The following PSD4 variants were observed in gnomAD, a reference collection of about 807,000 sequenced individuals.
PSD4 encodes the protein pleckstrin and Sec7 domain containing 4, also known as PH and SEC7 domain-containing protein 4.
In PSD4, 59 loss-of-function variants were observed where a neutral mutation model predicts 112.5. That is an observed-to-expected ratio of 0.52 (90% CI 0.43 to 0.65). The LOEUF (loss-of-function observed/expected upper bound fraction) is 0.65, where lower values mean the gene tolerates loss of function less well. Ranked by LOEUF, PSD4 falls within the 30% of genes least tolerant of loss-of-function variation. The pLI is 0.00. For synonymous variants in PSD4, 533 were observed against 540.0 expected (o/e 0.99, Z 0.18); for missense variants, 1,267 against 1,352.6 (o/e 0.94, Z 0.99).
In PSD4 at chr2:113,201,634, G is replaced by A. The variant is rs995769410; in HGVS notation, c.*219G>A. 4.6e-5 allele frequency: 30 copies of A among 647,816 alleles called. No homozygotes were observed. The highest frequency in any genetic ancestry group is 4.1e-4 in the Middle Eastern group (1 of 2,434). The allele number at this position is 647,816 out of a possible 1,614,324, so 40.1% of individuals were successfully genotyped here. A position where few individuals can be genotyped will look rare whatever the true frequency, so the allele number is the denominator to read the frequency against. ...CCACCACCCCCATGGCAGTCCCTCC[G>A]CAGCCCCAGTCCCTGGCCACGCCCA... is the stretch of plus-strand genomic sequence containing the variant. On this transcript the variant is annotated 3_prime_UTR_variant, in exon 17 of 17. Coordinates refer to ENST00000245796, the MANE Select transcript of PSD4 (RefSeq NM_012455.3).
rs1321328087 is a variant in PSD4, at chr2:113,199,000, G to A, written c.2770-83G>A. On this transcript the variant is annotated intron_variant, in intron 15 of 16. Transcript: ENST00000245796. ...GCGCACTTGGCCTGGGAACCGAGGC[G>A]GCCAGGGGGGCGGCGCGCCCGGGCC... 6 of 1,514,720 alleles carry A rather than the reference G, an allele frequency of 4.0e-6. No homozygotes were observed. The South Asian group carries it at 4.9e-5, about 12-fold the overall frequency. The allele number at this position is 1,514,720 out of a possible 1,614,324, so 93.8% of individuals were successfully genotyped here.
In PSD4 at chr2:113,207,496, GC is replaced by G. The variant is rs1688880354; in HGVS notation, c.*6084del. 1 of 135,056 alleles carries G rather than the reference GC, an allele frequency of 7.4e-6. No homozygotes were observed. The highest frequency in any genetic ancestry group is 1.5e-5 in the Non-Finnish European group (1 of 64,998). The allele number at this position is 135,056 out of a possible 1,614,324, so 8.4% of individuals were successfully genotyped here. On this transcript the variant is annotated 3_prime_UTR_variant, in exon 17 of 17. Coordinates refer to ENST00000245796, the MANE Select transcript of PSD4 (RefSeq NM_012455.3). ...TTTTGAGATGGAGTCTTGCTCGGTCGCCCAGGCTGGAGTGCGGTGGCATGAT... is the reference window on the plus strand; with the variant it reads ...TTTTGAGATGGAGTCTTGCTCGGTCGCCAGGCTGGAGTGCGGTGGCATGAT...
intron 1 of PSD4, among the ~76,000 whole-genome samples, chr2:113,177,736 C>T (rs1688017006): frequency 6.6e-6 from 1 of 152,122 alleles, no homozygotes; most frequent in Non-Finnish European, 1.5e-5. Flanking sequence ...GTGACTATGC[C>T]ATTCAATATT....
At chr2:113,192,225 A>G (rs1291372547) in intron 5 of PSD4, among the ~76,000 whole-genome samples, 155 bp from the exon 6 acceptor site, 1 of 151,980 alleles carries the variant, frequency 6.6e-6, no homozygotes, top group East Asian at 1.9e-4. Flanking sequence ...AGGCCAGGCT[A>G]AGTCAGTCTG....
chr2:113,194,918 CT>C (rs1471095149), intron 10 of PSD4, among the ~76,000 whole-genome samples: 1 of 152,180 alleles, frequency 6.6e-6, no homozygotes, highest in Non-Finnish European at 1.5e-5. Context: ...ATGTGCCAGA[CT>C]TTTTGCTAGG....
Position 113,182,486 on chromosome 2 carries a change from C to A in PSD4, c.30C>A (p.His10Gln). The A allele has an allele frequency of 6.2e-7, 1 of 1,613,562 alleles. No individual in the cohort carries two copies. MMGDYRLPD[H>Q]PQPMEILNLY... ...TGGGTGACTACAGACTCCCTGACCA[C>A]CCCCAGCCCATGGAAATTCTCAACC... is the stretch of plus-strand genomic sequence containing the variant. Residue 10 changes from histidine to glutamine, a missense_variant, in exon 2 of 17, where the codon CAC becomes CAA. This residue lies in a region of PSD4 where 723 missense variants were observed against 704.0 expected (regional missense o/e 1.03). Transcript: ENST00000245796.
intron 16 of PSD4, 86 bp downstream of exon 16, chr2:113,199,312 C>T: frequency 7.7e-7 from 1 of 1,295,012 alleles, no homozygotes; most frequent in Middle Eastern, 2.9e-4. Context: ...GCCGTCACTG[C>T]CCTGACCGCG....
rs949547547 is a variant in PSD4, at chr2:113,199,295, C to T, written c.2913+69C>T. 4.7e-5 allele frequency: 64 copies of T among 1,368,166 alleles called. 1 individual carries two copies. In the African/African-American group the frequency reaches 7.8e-4, roughly 17 times the overall value. 84.8% of individuals were successfully genotyped at this position (1,368,166 alleles called of 1,614,324 possible). ...TCCGCCCTCTCGTGGCCGCCTCGGT[C>T]CCTGCAGCCGTCACTGCCCTGACCG... On this transcript the variant is annotated intron_variant, in intron 16 of 16. Coordinates refer to ENST00000245796, the MANE Select transcript of PSD4 (RefSeq NM_012455.3).
In PSD4 at chr2:113,183,119, G is replaced by GGGC. The variant is rs770258344; in HGVS notation, c.664_666dup (p.Gly222dup). ...AAGACAGCAGTGAGCCTGAGGGAGA[G>GGGC]GGCCAGGCATGGCTGAGAGAGGGAA... On this transcript the variant is annotated inframe_insertion, in exon 2 of 17. Transcript: ENST00000245796. 3 of 1,613,950 alleles carry GGGC rather than the reference G, an allele frequency of 1.9e-6. No homozygotes were observed. The highest frequency in any genetic ancestry group is 2.5e-6 in the Non-Finnish European group (3 of 1,179,852).
rs752172507 is a variant in PSD4 at position 113,201,360 on chromosome 2, CAG to C, written c.3119_3120del (p.Glu1040AlafsTer10). 10 of 1,614,102 alleles carry C rather than the reference CAG, an allele frequency of 6.2e-6. No homozygotes were observed. The highest frequency in any genetic ancestry group is 8.5e-6 in the Non-Finnish European group (10 of 1,180,048). On this transcript the variant is annotated frameshift_variant, in exon 17 of 17. Transcript: ENST00000245796. LOFTEE classifies it high-confidence loss of function. ...ACGGCCAAGGTGAAGCGCAACATCTCAGAGCGCAGAACCTACCGGAAGATCAT... is the reference window on the plus strand; with the variant it reads ...ACGGCCAAGGTGAAGCGCAACATCTCAGCGCAGAACCTACCGGAAGATCAT...
At chr2:113,197,002 G>A (rs761268716) in intron 12 of PSD4, among the ~76,000 whole-genome samples, 2 of 152,272 alleles carry the variant, frequency 1.3e-5, no homozygotes, top group African/African-American at 4.8e-5. Flanking sequence ...AGCATTGGCT[G>A]TGAAGCCGCC....
At chr2:113,192,723 TC>T in intron 6 of PSD4, 134 bp downstream of exon 6, 1 of 911,454 alleles carries the variant, frequency 1.1e-6, no homozygotes. Flanking sequence ...TCCTAACTTT[TC>T]CCCCATACCC....
Position 113,186,104 on chromosome 2 carries a change from T to C in PSD4, c.1477T>C (p.Leu493=). 1.2e-6 allele frequency: 2 copies of C among 1,614,176 alleles called. No individual in the cohort carries two copies. The highest frequency in any genetic ancestry group is 1.7e-6 in the Non-Finnish European group (2 of 1,180,038). Residue 493 remains leucine, a synonymous_variant, in exon 5 of 17, where the codon TTG becomes CTG. Transcript: ENST00000245796. ...WTLDASQSSL[L]ETDGEQPSSL... ...ACTAGATGCTTCACAGTCTTCACTC[T>C]TGGAGACGGATGGGGAACAGCCAAG...
chr2:113,194,171 C>T (rs908557376), intron 10 of PSD4, among the ~76,000 whole-genome samples: 1 of 152,200 alleles, frequency 6.6e-6, no homozygotes, highest in Non-Finnish European at 1.5e-5. Flanking sequence ...CTGTGCTGGA[C>T]TTATTGAATC....
chr2:113,186,123 A>G lies in PSD4; in HGVS notation c.1496A>G (p.Gln499Arg). 1 of 1,614,230 alleles carries G rather than the reference A, an allele frequency of 6.2e-7. No individual in the cohort carries two copies. Among genetic ancestry groups the G allele is most frequent in the Non-Finnish European group, 8.5e-7 (1 of 1,180,044 alleles). Reference protein sequence around the residue: ...QSSLLETDGEQPSSLKKKEAG... With the variant: ...QSSLLETDGERPSSLKKKEAG... ...TCACTCTTGGAGACGGATGGGGAACAGCCAAGTTCCTTGAAGAAAAAGGAG... is the reference window on the plus strand; with the variant it reads ...TCACTCTTGGAGACGGATGGGGAACGGCCAAGTTCCTTGAAGAAAAAGGAG... The change falls in exon 5 of 17, where the codon CAG (glutamine) becomes CGG (arginine). Residue 499 changes from glutamine to arginine, a missense_variant. By Grantham distance (43) the Gln-to-Arg change is conservative. This residue lies in a region of PSD4 where 723 missense variants were observed against 704.0 expected (regional missense o/e 1.03). Transcript: ENST00000245796.
chr2:113,209,010 T>C lies in PSD4; in HGVS notation c.*7595T>C, dbSNP rs1409244890. 1.3e-5 allele frequency: 2 copies of C among 152,218 alleles called. No homozygotes were observed. The highest frequency in any genetic ancestry group is 2.9e-5 in the Non-Finnish European group (2 of 68,054). 9.4% of individuals were successfully genotyped at this position (152,218 alleles called of 1,614,324 possible). A position where few individuals can be genotyped will look rare whatever the true frequency, so the allele number is the denominator to read the frequency against. ...AGCCCAGAGAAACTGAGCCTGAATT[T>C]GCTGCCATGTTTTGAGGACATTATC... On this transcript the variant is annotated 3_prime_UTR_variant, in exon 17 of 17. Transcript: ENST00000245796.
At chr2:113,176,969 A>G (rs963506967) in intron 1 of PSD4, among the ~76,000 whole-genome samples, 1 of 152,170 alleles carries the variant, frequency 6.6e-6, no homozygotes, top group Admixed American at 6.5e-5. Flanking sequence ...CTTTCCATTC[A>G]GGCAAGAGCA....
intron 10 of PSD4, 104 bp downstream of exon 10, chr2:113,194,052 C>G: frequency 9.2e-7 from 1 of 1,092,486 alleles, no homozygotes; most frequent in Non-Finnish European, 1.3e-6. Context: ...GCCAAAATAT[C>G]CTTGAGAGAA....
intron 1 of PSD4, among the ~76,000 whole-genome samples, chr2:113,181,426 T>A (rs1688135615): frequency 6.6e-6 from 1 of 152,012 alleles, no homozygotes; most frequent in Non-Finnish European, 1.5e-5. Flanking sequence ...GTGTAAGCGG[T>A]GGGCTGCATG....
Sources: allele counts gnomAD v4.1 joint callset (sites outside exome capture counted in the v4.1 genomes callset), GRCh38; gene constraint gnomAD v4.1.1; regional missense constraint gnomAD v4.1.1; transcripts MANE v1.5; gene names NCBI Gene and HGNC (gene_info 2026-07-23, HGNC 2026-07-21).